The following PLXNC1 variants were observed in gnomAD, a reference collection of about 807,000 sequenced individuals.
The protein encoded by PLXNC1 is plexin C1.
Under a neutral mutation model 178.2 loss-of-function variants are expected in PLXNC1, and 75 were observed. That is an observed-to-expected ratio of 0.42 (90% confidence interval 0.35 to 0.51). The LOEUF is 0.51. Among genes scored for constraint, PLXNC1 ranks in the 20% least tolerant of loss-of-function variants. PLXNC1 has a pLI of 0.02. For synonymous variants in PLXNC1, 790 were observed against 779.9 expected, an observed-to-expected ratio of 1.01 and a Z score of -0.22; for missense variants, 1,503 against 1,984.4, an observed-to-expected ratio of 0.76 and a Z score of 4.61.
intron 4 of PLXNC1, among the ~76,000 whole-genome samples, chr12:94,195,482 C>T (rs1412627384): frequency 6.6e-6 from 1 of 152,138 alleles, no homozygotes. Flanking sequence ...GAAAATGGGC[C>T]CTACAGGAAA....
At chr12:94,150,507 C>T (rs1476380213) in intron 1 of PLXNC1, among the ~76,000 whole-genome samples, 1 of 152,224 alleles carries the variant, frequency 6.6e-6, no homozygotes, top group Middle Eastern at 3.2e-3. Context: ...AAAGGGCTCC[C>T]TGCCACACCC....
intron 21 of PLXNC1, among the ~76,000 whole-genome samples, chr12:94,273,527 TTC>T (rs1309297988): frequency 6.6e-6 from 1 of 152,156 alleles, no homozygotes; most frequent in Non-Finnish European, 1.5e-5. Context: ...CTTCCTTGAT[TTC>T]TCTGTTTGAA....
intron 5 of PLXNC1, among the ~76,000 whole-genome samples, chr12:94,214,974 G>A (rs527626370): frequency 6.6e-6 from 1 of 151,948 alleles, no homozygotes; most frequent in African/African-American, 2.4e-5. Context: ...ATGGTTCACT[G>A]CAACCTCTGC....
intron 21 of PLXNC1, chr12:94,277,653 C>T (rs1966074631): frequency 9.7e-6 from 3 of 310,236 alleles, no homozygotes; most frequent in South Asian, 8.1e-5. Flanking sequence ...TCATTGCTGG[C>T]AGCCTCCTCC....
chr12:94,183,924 A>C (rs1962416057), intron 3 of PLXNC1, among the ~76,000 whole-genome samples: 1 of 152,190 alleles, frequency 6.6e-6, no homozygotes, highest in African/African-American at 2.4e-5. Context: ...GCCTAAAGAG[A>C]CAAAGTCCAA....
chr12:94,241,426 C>G (rs1964386004), intron 11 of PLXNC1, among the ~76,000 whole-genome samples: 1 of 152,120 alleles, frequency 6.6e-6, no homozygotes, highest in African/African-American at 2.4e-5. Flanking sequence ...TATAGACACC[C>G]TACTATGCTA....
intron 4 of PLXNC1, among the ~76,000 whole-genome samples, chr12:94,203,297 C>A (rs1392196357): frequency 2.0e-5 from 3 of 152,228 alleles, no homozygotes; most frequent in Non-Finnish European, 2.9e-5. Context: ...GATGGTACAT[C>A]ATTCATTCTT....
intron 1 of PLXNC1, among the ~76,000 whole-genome samples, chr12:94,156,786 C>A (rs950219630): frequency 1.3e-5 from 2 of 148,440 alleles, no homozygotes; most frequent in South Asian, 2.1e-4. Flanking sequence ...TAGCTTATTG[C>A]GGCCTCAAAC....
At chr12:94,247,643 A>T (rs908503104) in intron 12 of PLXNC1, among the ~76,000 whole-genome samples, 1 of 152,142 alleles carries the variant, frequency 6.6e-6, no homozygotes, top group Non-Finnish European at 1.5e-5. Context: ...TATTAATCAT[A>T]ATATTAACTA....
At position 94,181,551 on chromosome 12, in the gene PLXNC1, A is replaced by G; in HGVS notation, c.1309A>G (p.Ile437Val). ...YKLVPDPVKN[I>V]YIYLTAGKEV... ...ACTCGTTCCTGATCCTGTGAAGAAT[A>G]TCTACATTTATCTAACAGCTGGGAA... Residue 437 changes from isoleucine (I) to valine (V), a missense_variant, in exon 3 of 31, where the codon ATC becomes GTC. Around this residue, in one of 4 missense-constraint regions of PLXNC1, gnomAD observed 615 missense variants for 698.6 expected, o/e 0.88. Coordinates refer to ENST00000258526, the MANE Select transcript of PLXNC1 (RefSeq NM_005761.3). 1 of 1,607,232 alleles carries G rather than the reference A, an allele frequency of 6.2e-7. No homozygotes were observed. The highest frequency in any genetic ancestry group is 8.5e-7 in the Non-Finnish European group (1 of 1,175,236).
At chr12:94,166,629 C>G (rs1334658073) in intron 1 of PLXNC1, among the ~76,000 whole-genome samples, 1 of 151,718 alleles carries the variant, frequency 6.6e-6, no homozygotes, top group Non-Finnish European at 1.5e-5. Flanking sequence ...TTATTAGATA[C>G]TAGAAAGCTA....
At position 94,237,758 on chromosome 12, in the gene PLXNC1, A is replaced by G. The variant is rs753635922; in HGVS notation, c.2075A>G (p.Asn692Ser). The change falls in exon 10 of 31, where the codon AAC becomes AGC. Residue 692 changes from asparagine (N) to serine (S), a missense_variant. Physicochemically the swap from Asn to Ser is conservative, Grantham distance 46 (BLOSUM62 1). This residue lies in a region of PLXNC1 where 615 missense variants were observed against 698.6 expected (regional missense o/e 0.88). Transcript: ENST00000258526. Reference protein sequence around the residue: ...VTGANFTRASNITMILKGTST... With the variant: ...VTGANFTRASSITMILKGTST... ...GGAGCAAACTTTACCCGGGCATCGAACATCACAATGATCCTGAAAGGAACC... is the reference window on the plus strand; with the variant it reads ...GGAGCAAACTTTACCCGGGCATCGAGCATCACAATGATCCTGAAAGGAACC... 43 of 1,614,078 alleles carry G rather than the reference A, an allele frequency of 2.7e-5. No homozygotes were observed. The highest frequency in any genetic ancestry group is 3.6e-5 in the Non-Finnish European group (43 of 1,179,958).
At chr12:94,283,686 G>C (rs949803189) in intron 23 of PLXNC1, among the ~76,000 whole-genome samples, 1 of 152,196 alleles carries the variant, frequency 6.6e-6, no homozygotes, top group Non-Finnish European at 1.5e-5. Context: ...TGAAATCATA[G>C]GAAGTCAAAG....
At chr12:94,171,414 CTA>C (rs1226097450) in intron 2 of PLXNC1, among the ~76,000 whole-genome samples, 3 of 152,170 alleles carry the variant, frequency 2.0e-5, no homozygotes, top group Non-Finnish European at 2.9e-5. Flanking sequence ...CCAAGGGACT[CTA>C]TATCTTCTAC....
intron 2 of PLXNC1, among the ~76,000 whole-genome samples, chr12:94,173,012 G>A (rs1961903677): frequency 6.6e-6 from 1 of 152,100 alleles, no homozygotes; most frequent in Admixed American, 6.5e-5. Flanking sequence ...TTTTATCGGT[G>A]TACCGTCCCA....
At chr12:94,178,557 T>G (rs1962187480) in intron 2 of PLXNC1, among the ~76,000 whole-genome samples, 1 of 152,202 alleles carries the variant, frequency 6.6e-6, no homozygotes, top group Non-Finnish European at 1.5e-5. Context: ...GCTAATGAAT[T>G]AGAGACGGCA....
intron 4 of PLXNC1, among the ~76,000 whole-genome samples, chr12:94,196,709 G>A (rs1361975692): frequency 6.6e-6 from 1 of 152,162 alleles, no homozygotes; most frequent in East Asian, 1.9e-4. Flanking sequence ...CCTGCCTCGA[G>A]TCCAGGCCTG....
At chr12:94,197,087 C>G (rs1962942857) in intron 4 of PLXNC1, among the ~76,000 whole-genome samples, 1 of 152,184 alleles carries the variant, frequency 6.6e-6, no homozygotes, top group Non-Finnish European at 1.5e-5. Context: ...GGCTCATGGT[C>G]CCTTCCTGCA....
At chr12:94,259,286 C>T (rs1964932983) in intron 17 of PLXNC1, 51 bp from the exon 18 acceptor site, 30 of 1,385,604 alleles carry the variant, frequency 2.2e-5, no homozygotes, top group Non-Finnish European at 3.0e-5. Flanking sequence ...AAAATACACT[C>T]TTCATTTCCT....
Sources: gnomAD v4.1 joint callset for allele counts (sites outside exome capture counted in the v4.1 genomes callset) on GRCh38, gnomAD v4.1.1 for gene constraint, gnomAD v4.1.1 regional missense constraint, MANE v1.5 for transcripts, NCBI Gene and HGNC (gene_info 2026-07-23, HGNC 2026-07-21) for gene names.